The following DCTD variants were observed in gnomAD, a reference collection of about 807,000 sequenced individuals.
DCTD encodes deoxycytidylate deaminase.
Under a neutral mutation model 21.0 loss-of-function variants are expected in DCTD, and 23 were observed. That is an observed-to-expected ratio of 1.09 (90% CI 0.79 to 1.55). DCTD has a LOEUF of 1.55. Ranked by LOEUF, DCTD falls within the 40% of genes most tolerant of loss-of-function variation. The pLI, the probability that DCTD is intolerant of heterozygous loss-of-function variation, is 0.00. For synonymous variants in DCTD, 71 were observed against 81.1 expected, an observed-to-expected ratio of 0.88 and a Z score of 0.67; for missense variants, 224 against 230.0, an observed-to-expected ratio of 0.97 and a Z score of 0.17.
At chr4:182,892,048 A>G (rs2152853565) in intron 5 of DCTD, among the ~76,000 whole-genome samples, 1 of 152,070 alleles carries the variant, frequency 6.6e-6, no homozygotes, top group Middle Eastern at 3.4e-3. Flanking sequence ...AACAAAACAA[A>G]TTCTTTTAAG....
intron 3 of DCTD, chr4:182,911,489 C>A (rs917748128): frequency 6.6e-6 from 1 of 152,242 alleles, no homozygotes; most frequent in East Asian, 1.9e-4. Flanking sequence ...TTTATCGGAG[C>A]CTCAGTCTGA....
At chr4:182,909,150 CTG>C (rs1441539809) in intron 3 of DCTD, among the ~76,000 whole-genome samples, 1 of 152,070 alleles carries the variant, frequency 6.6e-6, no homozygotes, top group African/African-American at 2.4e-5. Flanking sequence ...ATAATTAACT[CTG>C]TAACTATAAA....
intron 1 of DCTD, chr4:182,916,136 A>G: frequency 6.2e-6 from 1 of 162,392 alleles, no homozygotes; most frequent in Non-Finnish European, 1.3e-5. Context: ...CCCAACTCTG[A>G]TATTAACCAG....
intron 3 of DCTD, among the ~76,000 whole-genome samples, chr4:182,914,286 G>A (rs191658373): frequency 6.6e-6 from 1 of 152,354 alleles, no homozygotes; most frequent in East Asian, 1.9e-4. Flanking sequence ...GGGATTACAG[G>A]CGTGAGCCAT....
chr4:182,903,869 C>T (rs1440951201), intron 3 of DCTD, among the ~76,000 whole-genome samples: 1 of 152,186 alleles, frequency 6.6e-6, no homozygotes, highest in African/African-American at 2.4e-5. Flanking sequence ...GCCTCAGCCT[C>T]CGGACCTAAG....
Position 182,917,379 on chromosome 4 carries a change from C to T in DCTD, c.-76G>A, listed in dbSNP as rs984876925. ...CGCCGCCGTGCTCAGGGAAGGAAGT[C>T]GGGGGAGGAGGCGGGGCCGCCGCGG... On this transcript the variant is annotated 5_prime_UTR_variant, in exon 1 of 6. Transcript: ENST00000438320. This position sits in a 1 kb window ranked among gnomAD's most constrained non-coding sequence, Gnocchi z 4.9. The T allele has an allele frequency of 4.7e-6, 5 of 1,059,518 alleles. No homozygotes were observed. Among genetic ancestry groups the T allele is most frequent in the African/African-American group, 3.4e-5 (2 of 58,570 alleles). 65.6% of individuals were successfully genotyped at this position (1,059,518 alleles called of 1,614,324 possible).
intron 3 of DCTD, among the ~76,000 whole-genome samples, chr4:182,904,005 G>A (rs988011126): frequency 1.3e-5 from 2 of 152,144 alleles, no homozygotes; most frequent in African/African-American, 4.8e-5. Context: ...GCCCACCTGA[G>A]ACCAGGCTGT....
intron 3 of DCTD, among the ~76,000 whole-genome samples, chr4:182,904,902 C>T (rs7695216): frequency 0.12 from 17,729 of 152,220 alleles, 1,672 homozygotes; most frequent in African/African-American, 0.26. Flanking sequence ...CAGCCTTGAG[C>T]ACCTTGCCTC....
At chr4:182,897,100 T>A (rs1293653072) in intron 3 of DCTD, among the ~76,000 whole-genome samples, 1 of 152,176 alleles carries the variant, frequency 6.6e-6, no homozygotes, top group African/African-American at 2.4e-5. Flanking sequence ...CCCAGGCAGT[T>A]TGGGGCAAAA....
Position 182,915,003 on chromosome 4 carries a change from C to T in DCTD, c.164G>A (p.Gly55Glu). Reference sequence around the variant, plus strand: ...GTCATCACTGCACCCATTTGGCATCCCATTGTACCCAATCCCGACAATCTT... The same window carrying T: ...GTCATCACTGCACCCATTTGGCATCTCATTGTACCCAATCCCGACAATCTT... Reference protein sequence around the residue: ...ENKIVGIGYNGMPNGCSDDVL... With the variant: ...ENKIVGIGYNEMPNGCSDDVL... Residue 55 changes from glycine to glutamate, a missense_variant, in exon 3 of 6, where the codon GGG becomes GAG. By Grantham distance (98) the Gly-to-Glu change is moderately conservative. Coordinates refer to ENST00000438320, the MANE Select transcript of DCTD (RefSeq NM_001921.3). The T allele has an allele frequency of 6.2e-7, 1 of 1,614,154 alleles. No homozygotes were observed. Among genetic ancestry groups the T allele is most frequent in the Non-Finnish European group, 8.5e-7 (1 of 1,180,022 alleles).
intron 3 of DCTD, among the ~76,000 whole-genome samples, chr4:182,903,659 G>A (rs1293308520): frequency 6.6e-6 from 1 of 151,996 alleles, no homozygotes; most frequent in African/African-American, 2.4e-5. Context: ...CAGGCTCTGA[G>A]GGAAGCCTCC....
intron 3 of DCTD, among the ~76,000 whole-genome samples, chr4:182,902,806 T>C (rs924053684): frequency 2.0e-5 from 3 of 152,120 alleles, no homozygotes; most frequent in Non-Finnish European, 4.4e-5. Context: ...TGCCCCAGCA[T>C]GGAAATCAGC....
intron 3 of DCTD, among the ~76,000 whole-genome samples, chr4:182,904,683 C>T (rs1736355038): frequency 1.3e-5 from 2 of 152,098 alleles, no homozygotes; most frequent in East Asian, 3.9e-4. Flanking sequence ...CATTCTTCTC[C>T]CACCCCACAC....
chr4:182,894,274 T>A (rs1469117822), intron 4 of DCTD, among the ~76,000 whole-genome samples: 4 of 152,214 alleles, frequency 2.6e-5, no homozygotes, highest in African/African-American at 9.7e-5. Context: ...AGTTGCAAAC[T>A]AAATTAAAAA....
At chr4:182,916,731 T>C in intron 1 of DCTD, 1 of 1,071,754 alleles carries the variant, frequency 9.3e-7, no homozygotes, top group South Asian at 2.2e-5. Context: ...ACCTACTAAA[T>C]AGGAGGGAGG....
Position 182,894,538 on chromosome 4 carries a change from A to T in DCTD, c.312T>A (p.Tyr104Ter). 1 of 1,614,188 alleles carries T rather than the reference A, an allele frequency of 6.2e-7. No homozygotes were observed. The stretch of plus-strand genomic sequence containing the variant: ...ATTCATTACAAGGGAACAAGGCAAC[A>T]TACATACTACAGCCTTTCACATCGG... ...NSTDVKGCSMYVALFPCNECA... is the reference protein window; with the variant it reads ...NSTDVKGCSM Residue 104 changes from tyrosine to a stop codon, truncating the protein, a stop_gained, in exon 4 of 6, where the codon TAT (tyrosine) becomes TAA (stop). Transcript: ENST00000438320. LOFTEE classifies it high-confidence loss of function.
At chr4:182,903,945 C>G (rs745550931) in intron 3 of DCTD, among the ~76,000 whole-genome samples, 1 of 152,236 alleles carries the variant, frequency 6.6e-6, no homozygotes, top group Admixed American at 6.5e-5. Context: ...GAGCACAGCA[C>G]AGACAAGCTA....
chr4:182,900,403 T>C (rs1358668483), intron 3 of DCTD, among the ~76,000 whole-genome samples: 1 of 152,150 alleles, frequency 6.6e-6, no homozygotes, highest in Non-Finnish European at 1.5e-5. Context: ...TTGACAGCAA[T>C]AAATGAAGGA....
At chr4:182,908,592 A>G (rs1206647433) in intron 3 of DCTD, among the ~76,000 whole-genome samples, 1 of 148,474 alleles carries the variant, frequency 6.7e-6, no homozygotes, top group Non-Finnish European at 1.5e-5. Flanking sequence ...CTGAAGCAGG[A>G]GAATCGCTTG....
Sources: allele counts gnomAD v4.1 joint callset (sites outside exome capture counted in the v4.1 genomes callset), GRCh38; gene constraint gnomAD v4.1.1; non-coding constraint Gnocchi (gnomAD v3.1); transcripts MANE v1.5; gene names NCBI Gene and HGNC (gene_info 2026-07-23, HGNC 2026-07-21).